MCPH1: variants seen among roughly 807,000 people sequenced by gnomAD.
MCPH1 encodes the protein microcephalin.
MCPH1 carries 104 observed loss-of-function variants against 84.5 expected under a neutral mutation model. The observed-to-expected ratio is 1.23, with a 90% confidence interval of 1.05 to 1.45. MCPH1 has a LOEUF of 1.45. MCPH1 is among the 40% of genes most tolerant of loss of function. MCPH1 has a pLI of 0.00. For missense variants in MCPH1, 1,498 were observed against 1,005.7 expected (o/e 1.49, Z -6.62); for synonymous variants, 514 against 366.8 (o/e 1.40, Z -4.58).
At chr8:6,522,917 C>G (rs1417114064) in intron 12 of MCPH1, among the ~76,000 whole-genome samples, 2 of 152,192 alleles carry the variant, frequency 1.3e-5, no homozygotes, top group African/African-American at 4.8e-5. Flanking sequence ...TGGCCCCATT[C>G]CTTCTCTAAA....
intron 13 of MCPH1, among the ~76,000 whole-genome samples, chr8:6,632,600 G>T (rs1426405809): frequency 1.3e-5 from 2 of 152,112 alleles, no homozygotes; most frequent in African/African-American, 4.8e-5. Flanking sequence ...ACAAGGTCAG[G>T]AGATCGAGAC....
chr8:6,445,686 C>T (rs1190291694), intron 8 of MCPH1, 139 bp downstream of exon 8: 2 of 1,439,872 alleles, frequency 1.4e-6, no homozygotes, highest in Non-Finnish European at 1.8e-6. Flanking sequence ...TGCATTTGAT[C>T]ATTCCAATGA....
intron 11 of MCPH1, among the ~76,000 whole-genome samples, chr8:6,487,837 T>C (rs1316113484): frequency 2.6e-5 from 4 of 152,226 alleles, no homozygotes; most frequent in Non-Finnish European, 5.9e-5. Context: ...CACTGGATCC[T>C]GACAGAACAT....
rs756558938 is a variant in MCPH1 at position 6,621,666 on chromosome 8, G to T, written c.2427G>T (p.Lys809Asn). Residue 809 changes from lysine (K) to asparagine (N), a missense_variant, in exon 13 of 14, where the codon AAG becomes AAT. By Grantham distance (94) the Lys-to-Asn change is moderately conservative. Transcript: ENST00000344683. ...PYSGKKKATV[K>N]YLSEKWVLDS... ...GCGGAAAGAAGAAAGCCACAGTCAA[G>T]TATCTGTCTGAGAAATGGGTCTTAG... 6.8e-6 allele frequency: 11 copies of T among 1,614,108 alleles called. No homozygotes were observed. The highest frequency in any genetic ancestry group is 2.2e-5 in the East Asian group (1 of 44,898).
intron 12 of MCPH1, among the ~76,000 whole-genome samples, chr8:6,503,745 G>T (rs1812668577): frequency 6.6e-6 from 1 of 152,192 alleles, no homozygotes; most frequent in Non-Finnish European, 1.5e-5. Context: ...TACATAAAAA[G>T]GAAGTCTCTA....
intron 12 of MCPH1, among the ~76,000 whole-genome samples, chr8:6,583,695 TC>T (rs1162866713): frequency 6.6e-6 from 1 of 152,012 alleles, no homozygotes; most frequent in East Asian, 1.9e-4. Context: ...AATGAGCTCA[TC>T]CCCACGTCTT....
At chr8:6,487,059 A>G (rs1170354806) in intron 11 of MCPH1, among the ~76,000 whole-genome samples, 1 of 152,220 alleles carries the variant, frequency 6.6e-6, no homozygotes, top group African/African-American at 2.4e-5. Context: ...ACAGTGAGGA[A>G]TAACTCAGCC....
intron 3 of MCPH1, among the ~76,000 whole-genome samples, chr8:6,423,582 G>C (rs1800592472): frequency 6.6e-6 from 1 of 152,218 alleles, no homozygotes; most frequent in Admixed American, 6.5e-5. Context: ...TATGTAAGCA[G>C]TGTCCTATTG....
At chr8:6,609,828 C>CCCCCCCCCCACA (rs1475345162) in intron 12 of MCPH1, among the ~76,000 whole-genome samples, 2 of 108,732 alleles carry the variant, frequency 1.8e-5, no homozygotes, top group African/African-American at 3.0e-5. Context: ...CGCCCCCCCC[C>CCCCCCCCCCACA]CACACACAGA....
At chr8:6,500,886 A>G (rs928641792) in intron 12 of MCPH1, 2 of 152,204 alleles carry the variant, frequency 1.3e-5, no homozygotes, top group Non-Finnish European at 2.9e-5. Flanking sequence ...CTGCCTACAA[A>G]GAGAATTGAT....
rs79679777 is a variant in MCPH1 at position 6,553,341 on chromosome 8, G to A, written c.2214+53412G>A. 9.8e-5 allele frequency among the ~76,000 whole-genome samples: 15 copies of A among 152,288 alleles called. No homozygotes were observed. The East Asian group carries it at 2.9e-3, about 29-fold the overall frequency. The stretch of plus-strand genomic sequence containing the variant: ...AAAGCAACAACAACAAAATGTTATT[G>A]TGTACTTTCAGATTGCACCAGTAAA... On this transcript the variant is annotated intron_variant, in intron 12 of 13. Transcript: ENST00000344683.
At chr8:6,474,457 C>G (rs1808170496) in intron 9 of MCPH1, among the ~76,000 whole-genome samples, 1 of 151,944 alleles carries the variant, frequency 6.6e-6, no homozygotes, top group African/African-American at 2.4e-5. Flanking sequence ...GTTCACCTTG[C>G]TGTCTCCAAA....
chr8:6,588,738 A>T (rs913012958), intron 12 of MCPH1, among the ~76,000 whole-genome samples: 1 of 152,258 alleles, frequency 6.6e-6, no homozygotes, highest in Non-Finnish European at 1.5e-5. Flanking sequence ...GCCTCTCCAT[A>T]GTTCTTCCCA....
At position 6,643,268 on chromosome 8, in the gene MCPH1, T is replaced by A. The variant is rs753250198; in HGVS notation, c.*219T>A. ...GCTTCGGGCCTTTTTATTTTTATTT[T>A]ATTTTTTATTTTTTGAGACGGAGTC... On this transcript the variant is annotated 3_prime_UTR_variant, in exon 14 of 14. Transcript: ENST00000344683. 3.0e-5 allele frequency: 17 copies of A among 566,472 alleles called. No individual in the cohort carries two copies. Among genetic ancestry groups the A allele is most frequent in the Non-Finnish European group, 5.3e-5 (17 of 320,444 alleles). The allele number at this position is 566,472 out of a possible 1,614,324, so 35.1% of individuals were successfully genotyped here.
At chr8:6,517,526 C>T (rs1329651875) in intron 12 of MCPH1, among the ~76,000 whole-genome samples, 2 of 152,210 alleles carry the variant, frequency 1.3e-5, no homozygotes, top group African/African-American at 2.4e-5. Context: ...AAAAGATGTG[C>T]TCAAAGACCA....
At chr8:6,592,876 A>G (rs972948238) in intron 12 of MCPH1, among the ~76,000 whole-genome samples, 2 of 144,414 alleles carry the variant, frequency 1.4e-5, no homozygotes, top group Admixed American at 7.1e-5. Flanking sequence ...CATGTTGCTC[A>G]GGCTGGTCTC....
At position 6,627,943 on chromosome 8, in the gene MCPH1, T is replaced by TA. The variant is rs939414454; in HGVS notation, c.2452+6260dup. ...TATTTATATAAACATTAGTGGGTTT[T>TA]AAAAAAAATTAACTAACTGCTAGCT... is the stretch of plus-strand genomic sequence containing the variant. On this transcript the variant is annotated intron_variant, in intron 13 of 13. Transcript: ENST00000344683. Among the ~76,000 whole-genome samples the TA allele has an allele frequency of 5.9e-5, 9 of 151,852 alleles. 1 individual carries two copies. Among genetic ancestry groups the TA allele is most frequent in the African/African-American group, 1.7e-4 (7 of 41,414 alleles).
chr8:6,480,699 C>A lies in MCPH1; in HGVS notation c.1974-15C>A, dbSNP rs1454224703. 1.2e-6 allele frequency: 2 copies of A among 1,613,758 alleles called. No individual in the cohort carries two copies. The highest frequency in any genetic ancestry group is 1.7e-6 in the Non-Finnish European group (2 of 1,179,918). On this transcript the variant is annotated splice_polypyrimidine_tract_variant and intron_variant, in intron 10 of 13. Coordinates refer to ENST00000344683, the MANE Select transcript of MCPH1 (RefSeq NM_024596.5). ...AAAGTCATTCATTTTGTTAATTTTT[C>A]CCCCGATTTGACAGAAAGCAGAATG...
intron 13 of MCPH1, chr8:6,626,648 T>C (rs1832109551): frequency 2.0e-6 from 2 of 984,808 alleles, no homozygotes; most frequent in South Asian, 9.4e-5. Flanking sequence ...GGTTGCATTT[T>C]CCCCCCAACA....
Sources: allele counts gnomAD v4.1 joint callset (sites outside exome capture counted in the v4.1 genomes callset), GRCh38; gene constraint gnomAD v4.1.1; transcripts MANE v1.5; gene names NCBI Gene and HGNC (gene_info 2026-07-23, HGNC 2026-07-21).